The following LANCL3 variants were observed in gnomAD, a reference collection of about 807,000 sequenced individuals.
LANCL3 encodes lanC-like protein 3.
In LANCL3, 19 loss-of-function variants were observed where a neutral mutation model predicts 26.5. The observed-to-expected ratio is 0.72, with a 90% confidence interval of 0.50 to 1.05. The LOEUF (loss-of-function observed/expected upper bound fraction) is 1.05, where lower values mean the gene tolerates loss of function less well. Ranked by LOEUF, LANCL3 falls within the 50% of genes least tolerant of loss-of-function variation. The probability of loss-of-function intolerance (pLI) is 0.00; values close to 1 mark genes in which losing one functional copy is unlikely to be tolerated. For synonymous variants in LANCL3, 160 were observed against 166.6 expected (o/e 0.96, Z 0.30); for missense variants, 318 against 362.7 (o/e 0.88, Z 1.00).
At chrX:37,612,355 G>A (rs1272042093) in intron 1 of LANCL3, among the ~76,000 whole-genome samples, 2 of 111,530 alleles carry the variant, frequency 1.8e-5, no homozygotes, top group Non-Finnish European at 3.8e-5. Context: ...TGATTTATAT[G>A]TATCCTGAAG....
At chrX:37,612,060 C>T (rs2050038915) in intron 1 of LANCL3, among the ~76,000 whole-genome samples, 2 of 110,728 alleles carry the variant, frequency 1.8e-5, no homozygotes, top group African/African-American at 6.6e-5. Flanking sequence ...CCTGCCTCAG[C>T]CTCCCGAGTA....
At chrX:37,579,609 C>A (rs1418750505) in intron 1 of LANCL3, among the ~76,000 whole-genome samples, 1 of 110,798 alleles carries the variant, frequency 9.0e-6, no homozygotes, top group Admixed American at 9.6e-5. Context: ...ATTTTTGGAC[C>A]CCGGATGTCT....
At chrX:37,629,286 G>T (rs1218532430) in intron 1 of LANCL3, among the ~76,000 whole-genome samples, 1 of 106,133 alleles carries the variant, frequency 9.4e-6, no homozygotes, top group Non-Finnish European at 1.9e-5. Flanking sequence ...CCCACTTTTT[G>T]ATGGGGTTGT....
intron 1 of LANCL3, among the ~76,000 whole-genome samples, chrX:37,637,851 A>G (rs1925748258): frequency 9.2e-6 from 1 of 108,511 alleles, no homozygotes; most frequent in East Asian, 2.9e-4. Flanking sequence ...CTCTCGGTGG[A>G]TCATTGCAGC....
intron 1 of LANCL3, among the ~76,000 whole-genome samples, chrX:37,599,255 C>G (rs1293568619): frequency 8.9e-6 from 1 of 112,105 alleles, no homozygotes; most frequent in African/African-American, 3.2e-5. Flanking sequence ...GTGAAAATAT[C>G]AGTCCATTAT....
chrX:37,580,268 C>A (rs1923861003), intron 1 of LANCL3, among the ~76,000 whole-genome samples: 1 of 111,636 alleles, frequency 9.0e-6, no homozygotes, highest in African/African-American at 3.3e-5. Flanking sequence ...ATGCATGACC[C>A]AGAACCCAGT....
At chrX:37,618,035 A>G (rs1925056905) in intron 1 of LANCL3, among the ~76,000 whole-genome samples, 1 of 111,854 alleles carries the variant, frequency 8.9e-6, no homozygotes, top group Non-Finnish European at 1.9e-5. Flanking sequence ...ACTTCAGCTG[A>G]AAGGGCTTCT....
intron 4 of LANCL3, chrX:37,668,474 G>A: frequency 2.7e-6 from 1 of 364,403 alleles, no homozygotes; most frequent in Non-Finnish European, 5.0e-6. Flanking sequence ...ACTGGGCCAG[G>A]AGGACCATAA....
At chrX:37,634,532 G>A (rs1015974923) in intron 1 of LANCL3, among the ~76,000 whole-genome samples, 12 of 112,596 alleles carry the variant, frequency 1.1e-4, no homozygotes, top group African/African-American at 3.2e-4. Context: ...CATCTTCTGC[G>A]TCGCTCGCGC....
chrX:37,672,049 T>C (rs1926696018), intron 4 of LANCL3, among the ~76,000 whole-genome samples: 1 of 112,153 alleles, frequency 8.9e-6, no homozygotes, highest in Admixed American at 9.5e-5. Flanking sequence ...TTATTCCCTA[T>C]AAAGCGTATT....
chrX:37,640,315 G>A (rs368459588), intron 1 of LANCL3, among the ~76,000 whole-genome samples: 4 of 111,370 alleles, frequency 3.6e-5, no homozygotes, highest in Non-Finnish European at 3.8e-5. Flanking sequence ...TTTACATGGC[G>A]GCAGGAGAGA....
At chrX:37,610,703 C>CA (rs1556421057) in intron 1 of LANCL3, among the ~76,000 whole-genome samples, 1 of 111,451 alleles carries the variant, frequency 9.0e-6, no homozygotes. Context: ...AGGAGACAGT[C>CA]AAAAAAGAAT....
intron 1 of LANCL3, among the ~76,000 whole-genome samples, chrX:37,606,233 A>G (rs1205571675): frequency 9.0e-6 from 1 of 111,524 alleles, no homozygotes; most frequent in African/African-American, 3.3e-5. Context: ...CTCAGTATCC[A>G]AGGTTTTTAT....
chrX:37,584,045 C>G (rs1471405949), intron 1 of LANCL3, among the ~76,000 whole-genome samples: 2 of 111,704 alleles, frequency 1.8e-5, no homozygotes, highest in African/African-American at 3.3e-5. Context: ...TTAATTTTGT[C>G]AAAGGTCTTT....
intron 1 of LANCL3, among the ~76,000 whole-genome samples, chrX:37,573,447 A>G (rs1602088315): frequency 8.9e-6 from 1 of 112,077 alleles, no homozygotes; most frequent in Non-Finnish European, 1.9e-5. Context: ...AAGAGTAATT[A>G]ACTTAGATCA....
intron 1 of LANCL3, among the ~76,000 whole-genome samples, chrX:37,587,872 C>G (rs782539269): frequency 8.9e-6 from 1 of 112,283 alleles, no homozygotes; most frequent in African/African-American, 3.2e-5. Flanking sequence ...AGAAATCACC[C>G]ATCTTCTGCA....
Position 37,667,265 on chromosome X carries a change from C to T in LANCL3, c.896-17C>T, listed in dbSNP as rs782582551. The T allele has an allele frequency of 1.0e-5, 11 of 1,060,729 alleles. No homozygotes were observed. The highest frequency in any genetic ancestry group is 1.2e-5 in the Non-Finnish European group (10 of 808,082). 87.4% of individuals were successfully genotyped at this position (1,060,729 alleles called of 1,213,427 possible). On this transcript the variant is annotated splice_polypyrimidine_tract_variant and intron_variant, in intron 3 of 4. Coordinates refer to ENST00000378619, the MANE Select transcript of LANCL3 (RefSeq NM_001170331.2). ...AAGTCCTGAAAGTCACCTCTAATAT[C>T]TTTGATGTTTTCACAGGAATTGCCT...
intron 1 of LANCL3, among the ~76,000 whole-genome samples, chrX:37,626,993 G>A (rs1483572030): frequency 8.9e-6 from 1 of 111,802 alleles, no homozygotes; most frequent in East Asian, 2.8e-4. Context: ...AGAGGTGCTT[G>A]CTAAGAGGAA....
chrX:37,595,450 A>G (rs1260000540), intron 1 of LANCL3, among the ~76,000 whole-genome samples: 4 of 112,261 alleles, frequency 3.6e-5, no homozygotes, highest in Non-Finnish European at 7.5e-5. Context: ...TATTTGATGG[A>G]CAGGATTCTT....
Sources: allele counts gnomAD v4.1 joint callset (sites outside exome capture counted in the v4.1 genomes callset), GRCh38; gene constraint gnomAD v4.1.1; transcripts MANE v1.5; gene names NCBI Gene and HGNC (gene_info 2026-07-23, HGNC 2026-07-21).